BCLAF3: variants seen among roughly 807,000 people sequenced by gnomAD.
The protein encoded by BCLAF3 is transient octamer binding factor 1.
A neutral mutation model predicts 51.2 loss-of-function variants in BCLAF3; 24 were observed. That is an observed-to-expected ratio of 0.47 (90% CI 0.34 to 0.66). The LOEUF (loss-of-function observed/expected upper bound fraction) is 0.66, where lower values mean the gene tolerates loss of function less well. Ranked by LOEUF, BCLAF3 falls within the 30% of genes least tolerant of loss-of-function variation. BCLAF3 has a pLI of 0.01. For missense variants in BCLAF3, 465 were observed against 525.1 expected (o/e 0.89, Z 1.12); for synonymous variants, 152 against 176.6 (o/e 0.86, Z 1.10).
intron 8 of BCLAF3, among the ~76,000 whole-genome samples, chrX:19,949,016 G>C (rs1480485117): frequency 9.0e-6 from 1 of 110,924 alleles, no homozygotes; most frequent in Non-Finnish European, 1.9e-5. Flanking sequence ...TATTTTTGCA[G>C]GATGAATGTT....
intron 1 of BCLAF3, among the ~76,000 whole-genome samples, chrX:19,988,941 A>G (rs1327335296): frequency 8.9e-6 from 1 of 111,836 alleles, no homozygotes; most frequent in African/African-American, 3.3e-5. Context: ...GCTATCAACA[A>G]ATAAGAAAAA....
rs1159303483 is a variant in BCLAF3, at chrX:19,929,794, T to C, written c.2097A>G (p.Arg699=). The change falls in exon 11 of 12, where the codon AGA becomes AGG. Residue 699 remains arginine (R), a synonymous_variant. Transcript: ENST00000379682. ...ITHKFRERLM[R]KKKEYTDVAT... is the part of the protein sequence containing the mutation. ...TTTTAATTCAACTAACCTTCTTTTT[T>C]CTCATTAATCTTTCTCTGAACTTAT... 2 of 1,196,765 alleles carry C rather than the reference T, an allele frequency of 1.7e-6. No individual in the cohort carries two copies. Among genetic ancestry groups the C allele is most frequent in the Admixed American group, 2.4e-5 (1 of 42,446 alleles).
At chrX:19,929,545 C>G (rs1468801074) in intron 11 of BCLAF3, 1 of 246,521 alleles carries the variant, frequency 4.1e-6, no homozygotes, top group East Asian at 6.7e-5. Flanking sequence ...AAAGTTCAAA[C>G]AGCTAACATA....
chrX:19,918,534 CTTTTTTT>C (rs749600263), intron 11 of BCLAF3, among the ~76,000 whole-genome samples: 1 of 55,198 alleles, frequency 1.8e-5, no homozygotes, highest in East Asian at 4.1e-4. Flanking sequence ...CCAACCCGGC[CTTTTTTT>C]TTTTTTTTTT....
At chrX:19,926,850 C>A (rs2147716745) in intron 11 of BCLAF3, among the ~76,000 whole-genome samples, 1 of 111,806 alleles carries the variant, frequency 8.9e-6, no homozygotes, top group East Asian at 2.8e-4. Context: ...GGAAGAGAAG[C>A]AGCATCTCTA....
chrX:19,960,090 C>G (rs1419695050), intron 4 of BCLAF3, among the ~76,000 whole-genome samples: 1 of 111,523 alleles, frequency 9.0e-6, no homozygotes, highest in Non-Finnish European at 1.9e-5. Flanking sequence ...GCCACCATGC[C>G]CAGCCAGACT....
At chrX:19,979,889 A>G (rs1003257815) in intron 1 of BCLAF3, among the ~76,000 whole-genome samples, 9 of 110,397 alleles carry the variant, frequency 8.2e-5, no homozygotes. Context: ...AACCAAGAAA[A>G]TAAAAATGAC....
intron 4 of BCLAF3, among the ~76,000 whole-genome samples, chrX:19,958,190 A>T (rs188081129): frequency 8.9e-6 from 1 of 112,216 alleles, no homozygotes; most frequent in Admixed American, 9.5e-5. Flanking sequence ...CTGTTTAAGG[A>T]TATTTCCACT....
intron 1 of BCLAF3, among the ~76,000 whole-genome samples, chrX:19,973,434 A>T (rs149310555): frequency 0.014 from 1,546 of 111,983 alleles, 63 homozygotes; most frequent in Admixed American, 0.09. Flanking sequence ...CCAAATGCTC[A>T]ACAAAAAAGA....
intron 4 of BCLAF3, among the ~76,000 whole-genome samples, chrX:19,960,141 T>C (rs2071803286): frequency 8.9e-6 from 1 of 111,969 alleles, no homozygotes; most frequent in Non-Finnish European, 1.9e-5. Flanking sequence ...TTTTTAACTT[T>C]CTTGGCTTTT....
At position 19,950,862 on chromosome X, in the gene BCLAF3, T is replaced by A; in HGVS notation, c.1636A>T (p.Ile546Phe). 8.4e-7 allele frequency: 1 copy of A among 1,190,647 alleles called. No homozygotes were observed. Among genetic ancestry groups the A allele is most frequent in the Non-Finnish European group, 1.1e-6 (1 of 876,991 alleles). The change falls in exon 8 of 12, where the codon ATC becomes TTC. Residue 546 changes from isoleucine to phenylalanine, a missense_variant. By Grantham distance (21) the Ile-to-Phe change is conservative (BLOSUM62 0). Coordinates refer to ENST00000379682, the MANE Select transcript of BCLAF3 (RefSeq NM_001367774.2). ...AGGTCATTTGGATCTATTATTTTGA[T>A]CAGAGTCTGAGGAATTTTGACAGAA... ...AVIYESEQTL[I>F]KIIDPNDLRH...
chrX:19,967,864 T>C (rs1480726225), intron 2 of BCLAF3, among the ~76,000 whole-genome samples: 1 of 112,245 alleles, frequency 8.9e-6, no homozygotes, highest in Non-Finnish European at 1.9e-5. Context: ...AGTTATATAC[T>C]GAACTTGGCA....
intron 7 of BCLAF3, among the ~76,000 whole-genome samples, chrX:19,952,666 G>A (rs1442564227): frequency 9.0e-6 from 1 of 111,575 alleles, no homozygotes; most frequent in Non-Finnish European, 1.9e-5. Context: ...GAAAAAAATA[G>A]GTACCTAACA....
intron 1 of BCLAF3, among the ~76,000 whole-genome samples, chrX:19,975,590 C>T (rs1039966329): frequency 5.4e-5 from 6 of 111,697 alleles, no homozygotes; most frequent in African/African-American, 1.6e-4. Context: ...ATGATCTGCC[C>T]GCCTCAGCCT....
intron 1 of BCLAF3, among the ~76,000 whole-genome samples, chrX:19,989,087 GT>G (rs756750501): frequency 9.1e-6 from 1 of 109,513 alleles, no homozygotes; most frequent in East Asian, 2.8e-4. Context: ...GTTGGTAGGA[GT>G]GCAAAACAGC....
intron 7 of BCLAF3, among the ~76,000 whole-genome samples, chrX:19,951,595 C>CAAAAAAATAA (rs2071480939): frequency 2.6e-5 from 1 of 38,035 alleles, no homozygotes; most frequent in Non-Finnish European, 4.5e-5. Flanking sequence ...GACTCTGTCG[C>CAAAAAAATAA]AAAAAAAAAA....
chrX:19,983,735 T>C (rs1039706210), intron 1 of BCLAF3, among the ~76,000 whole-genome samples: 1 of 103,018 alleles, frequency 9.7e-6, no homozygotes, highest in African/African-American at 3.6e-5. Flanking sequence ...AGTAAATACA[T>C]AAATAGCTGG....
At chrX:19,959,912 C>T (rs762942386) in intron 4 of BCLAF3, among the ~76,000 whole-genome samples, 5 of 111,406 alleles carry the variant, frequency 4.5e-5, no homozygotes, top group African/African-American at 9.8e-5. Flanking sequence ...CCTCCCACTT[C>T]GGCCTCCTGA....
chrX:19,990,622 C>G (rs2072908816), intron 1 of BCLAF3, among the ~76,000 whole-genome samples: 1 of 113,331 alleles, frequency 8.8e-6, no homozygotes, highest in South Asian at 3.5e-4. Context: ...GGCGGAGGAT[C>G]AGGGTCGCGG....
Sources: allele counts gnomAD v4.1 joint callset (sites outside exome capture counted in the v4.1 genomes callset), GRCh38; gene constraint gnomAD v4.1.1; transcripts MANE v1.5; gene names NCBI Gene and HGNC (gene_info 2026-07-23, HGNC 2026-07-21).